Variants in CAPSL observed in about 807,000 individuals in gnomAD.
CAPSL encodes the protein calcyphosin-like protein.
A neutral mutation model predicts 21.3 loss-of-function variants in CAPSL; 17 were observed. The ratio of observed to expected loss-of-function variants is 0.80; its 90% CI spans 0.55 to 1.20. The LOEUF (loss-of-function observed/expected upper bound fraction) is 1.20. Ranked by LOEUF, CAPSL falls within the 50% of genes most tolerant of loss-of-function variation. The pLI is 0.00. For synonymous variants in CAPSL, 102 were observed against 89.3 expected, an observed-to-expected ratio of 1.14 and a Z score of -0.80; for missense variants, 289 against 259.3, an observed-to-expected ratio of 1.11 and a Z score of -0.79.
chr5:35,910,838 G>A (rs1273277156), intron 2 of CAPSL, among the ~76,000 whole-genome samples: 2 of 152,132 alleles, frequency 1.3e-5, no homozygotes, highest in African/African-American at 4.8e-5. Context: ...GGGATTTTTA[G>A]GTCAAAGAAA....
intron 2 of CAPSL, among the ~76,000 whole-genome samples, chr5:35,919,264 A>T (rs1188901792): frequency 6.6e-6 from 1 of 151,314 alleles, no homozygotes; most frequent in Non-Finnish European, 1.5e-5. Context: ...CAAGGTACAG[A>T]TGTGCTAACT....
chr5:35,913,780 C>G (rs561513694), intron 2 of CAPSL, among the ~76,000 whole-genome samples: 2 of 152,262 alleles, frequency 1.3e-5, no homozygotes, highest in South Asian at 4.1e-4. Flanking sequence ...ACCATCGATG[C>G]TATGAAGAAA....
rs774727516 is a variant in CAPSL, at chr5:35,909,920, T to C, written c.471A>G (p.Gln157=). The C allele has an allele frequency of 1.9e-6, 3 of 1,613,730 alleles. No individual in the cohort carries two copies. The African/African-American group carries it at 4.0e-5, about 22-fold the overall frequency. ...KYQNGEWSEE[Q]VFRKFLDNFD... is the part of the protein sequence containing the mutation. ...AGTTATCCAGAAATTTCCTAAATAC[T>C]TGTTCCTCACTCCATTCCCCATTCT... The change falls in exon 4 of 5, where the codon CAA becomes CAG. Residue 157 remains glutamine (Q), a synonymous_variant. Coordinates refer to ENST00000651391, the MANE Select transcript of CAPSL (RefSeq NM_001042625.2).
intron 2 of CAPSL, among the ~76,000 whole-genome samples, 176 bp from the exon 3 acceptor site, chr5:35,910,719 A>T (rs958924185): frequency 1.3e-5 from 2 of 151,970 alleles, no homozygotes; most frequent in Non-Finnish European, 2.9e-5. Flanking sequence ...CACACACACA[A>T]ACACACACAC....
intron 1 of CAPSL, among the ~76,000 whole-genome samples, chr5:35,929,108 G>T (rs1738755776): frequency 6.6e-6 from 1 of 152,086 alleles, no homozygotes; most frequent in South Asian, 2.1e-4. Context: ...TATGCTGGGG[G>T]CCAAGTCCTT....
chr5:35,914,546 T>C (rs1217359468), intron 2 of CAPSL, among the ~76,000 whole-genome samples: 1 of 152,078 alleles, frequency 6.6e-6, no homozygotes, highest in Non-Finnish European at 1.5e-5. Flanking sequence ...GAACTCAGGA[T>C]TAAGAAACTC....
chr5:35,929,315 C>T (rs1028924750), intron 1 of CAPSL, among the ~76,000 whole-genome samples: 12 of 142,704 alleles, frequency 8.4e-5, no homozygotes, highest in Admixed American at 2.2e-4. Context: ...AACAGAGTCT[C>T]GCTCTGTTGC....
intron 2 of CAPSL, 142 bp downstream of exon 2, chr5:35,920,842 T>C: frequency 1.1e-6 from 1 of 870,486 alleles, no homozygotes; most frequent in Non-Finnish European, 1.7e-6. Context: ...AGATCAACTC[T>C]TCTAAACTCT....
At chr5:35,913,085 A>G (rs1022713731) in intron 2 of CAPSL, among the ~76,000 whole-genome samples, 1 of 152,252 alleles carries the variant, frequency 6.6e-6, no homozygotes, top group African/African-American at 2.4e-5. Context: ...AGCCAATTCG[A>G]TCAACTGGAA....
At chr5:35,936,713 A>G (rs1186561367) in intron 1 of CAPSL, among the ~76,000 whole-genome samples, 1 of 151,962 alleles carries the variant, frequency 6.6e-6, no homozygotes, top group African/African-American at 2.4e-5. Context: ...CCTTGTCTTC[A>G]CCTGCTTCTT....
chr5:35,918,293 T>C (rs1294688349), intron 2 of CAPSL, among the ~76,000 whole-genome samples: 1 of 151,948 alleles, frequency 6.6e-6, no homozygotes, highest in East Asian at 1.9e-4. Flanking sequence ...AAAGGATGAG[T>C]TCATGTCCTT....
chr5:35,910,148 A>T, intron 3 of CAPSL, 73 bp from the exon 4 acceptor site: 1 of 1,263,940 alleles, frequency 7.9e-7, no homozygotes, highest in Non-Finnish European at 1.1e-6. Flanking sequence ...ATGTGATAAA[A>T]TATCTCATTC....
chr5:35,924,418 T>C (rs1293196969), intron 1 of CAPSL, among the ~76,000 whole-genome samples: 1 of 152,184 alleles, frequency 6.6e-6, no homozygotes, highest in Non-Finnish European at 1.5e-5. Context: ...AGTTTGATGG[T>C]GCTTTCTCAT....
At chr5:35,914,384 A>AC (rs1350342196) in intron 2 of CAPSL, among the ~76,000 whole-genome samples, 1 of 152,174 alleles carries the variant, frequency 6.6e-6, no homozygotes, top group African/African-American at 2.4e-5. Flanking sequence ...AGAACTCTCC[A>AC]CCCCAAATCA....
At chr5:35,921,263 G>T in intron 1 of CAPSL, 143 bp from the exon 2 acceptor site, 1 of 965,672 alleles carries the variant, frequency 1.0e-6, no homozygotes, top group Non-Finnish European at 1.5e-6. Flanking sequence ...TTTTCTCTAT[G>T]CCAACTGTGT....
At chr5:35,914,883 G>A (rs1260377518) in intron 2 of CAPSL, among the ~76,000 whole-genome samples, 1 of 152,086 alleles carries the variant, frequency 6.6e-6, no homozygotes, top group Admixed American at 6.6e-5. Context: ...AGGAAATAGA[G>A]ACACAAAAAA....
At chr5:35,917,309 A>G (rs1297832) in intron 2 of CAPSL, among the ~76,000 whole-genome samples, 9 of 152,136 alleles carry the variant, frequency 5.9e-5, no homozygotes, top group East Asian at 1.9e-4. Context: ...TCAGTGTGGC[A>G]ATTCCTCAGG....
intron 2 of CAPSL, among the ~76,000 whole-genome samples, chr5:35,918,538 C>A (rs1008832992): frequency 6.6e-6 from 1 of 152,118 alleles, no homozygotes; most frequent in Non-Finnish European, 1.5e-5. Flanking sequence ...GTGCAGCAAA[C>A]CACCATGGCA....
chr5:35,916,004 C>A (rs1738376000), intron 2 of CAPSL, among the ~76,000 whole-genome samples: 1 of 152,208 alleles, frequency 6.6e-6, no homozygotes, highest in Non-Finnish European at 1.5e-5. Flanking sequence ...TGATAAGCAA[C>A]TTCAGCAAAG....
Sources: allele counts gnomAD v4.1 joint callset (sites outside exome capture counted in the v4.1 genomes callset), GRCh38; gene constraint gnomAD v4.1.1; transcripts MANE v1.5; gene names NCBI Gene and HGNC (gene_info 2026-07-23, HGNC 2026-07-21).